The following ERCC8 variants were observed in gnomAD, a reference collection of about 807,000 sequenced individuals.
ERCC8 encodes DNA excision repair protein ERCC-8.
ERCC8 carries 52 observed loss-of-function variants against 54.9 expected under a neutral mutation model. The ratio of observed to expected loss-of-function variants is 0.95; its 90% CI spans 0.76 to 1.19. The LOEUF (loss-of-function observed/expected upper bound fraction) is 1.19. ERCC8 is among the 50% of genes most tolerant of loss of function. The pLI, the probability that ERCC8 is intolerant of heterozygous loss-of-function variation, is 0.00. For synonymous variants in ERCC8, 146 were observed against 157.2 expected, an observed-to-expected ratio of 0.93 and a Z score of 0.53; for missense variants, 514 against 466.1, an observed-to-expected ratio of 1.10 and a Z score of -0.95.
chr5:60,881,688 T>C (rs1748232427), intron 11 of ERCC8, among the ~76,000 whole-genome samples: 1 of 152,166 alleles, frequency 6.6e-6, no homozygotes, highest in Admixed American at 6.5e-5. Context: ...CCTGGTGTGC[T>C]GTTTGCTAAG....
intron 1 of ERCC8, among the ~76,000 whole-genome samples, chr5:60,944,278 C>T (rs962130826): frequency 2.6e-5 from 4 of 152,160 alleles, no homozygotes; most frequent in Admixed American, 2.6e-4. Context: ...TCCAACAACT[C>T]TCTCCCGGAC....
intron 4 of ERCC8, among the ~76,000 whole-genome samples, chr5:60,912,005 C>T (rs373405843): frequency 4.6e-5 from 7 of 151,916 alleles, no homozygotes; most frequent in Admixed American, 3.3e-4. Flanking sequence ...CCTGGTAGTA[C>T]AGTTTGAAGT....
intron 11 of ERCC8, among the ~76,000 whole-genome samples, chr5:60,884,475 C>T (rs76836572): frequency 4.2e-5 from 3 of 70,832 alleles, no homozygotes; most frequent in African/African-American, 5.4e-5. Flanking sequence ...GACTCCTTCT[C>T]AAAAAAAAAA....
In ERCC8 at chr5:60,874,478, C is replaced by T. The variant is rs1747937382; in HGVS notation, c.*137G>A. ...TTTAGGATTTTATGCAAATATTAACCTCATTTTAAAACATGAGGAAAAATA... is the reference window on the plus strand; with the variant it reads ...TTTAGGATTTTATGCAAATATTAACTTCATTTTAAAACATGAGGAAAAATA... On this transcript the variant is annotated 3_prime_UTR_variant, in exon 12 of 12. Coordinates refer to ENST00000676185, the MANE Select transcript of ERCC8 (RefSeq NM_000082.4). 1.4e-6 allele frequency: 1 copy of T among 736,322 alleles called. No individual in the cohort carries two copies. Among genetic ancestry groups the T allele is most frequent in the Non-Finnish European group, 2.3e-6 (1 of 436,528 alleles). 45.6% of individuals were successfully genotyped at this position (736,322 alleles called of 1,614,324 possible). A position where few individuals can be genotyped will look rare whatever the true frequency, so the allele number is the denominator to read the frequency against.
At chr5:60,896,358 A>G (rs1243230116) in intron 9 of ERCC8, among the ~76,000 whole-genome samples, 1 of 151,910 alleles carries the variant, frequency 6.6e-6, no homozygotes, top group Non-Finnish European at 1.5e-5. Context: ...CTGGGACTAC[A>G]GGTGCCCACC....
At chr5:60,883,208 C>T (rs1253122139) in intron 11 of ERCC8, among the ~76,000 whole-genome samples, 1 of 152,142 alleles carries the variant, frequency 6.6e-6, no homozygotes, top group African/African-American at 2.4e-5. Flanking sequence ...CAAATTATTT[C>T]ACTTTTCAGT....
intron 9 of ERCC8, among the ~76,000 whole-genome samples, chr5:60,894,152 T>C (rs1177220717): frequency 6.6e-6 from 1 of 151,842 alleles, no homozygotes; most frequent in African/African-American, 2.4e-5. Flanking sequence ...GCCCGGCTAA[T>C]TTTTTGTATT....
intron 2 of ERCC8, among the ~76,000 whole-genome samples, chr5:60,923,929 C>G (rs1427204073): frequency 2.0e-5 from 3 of 152,054 alleles, no homozygotes; most frequent in Non-Finnish European, 4.4e-5. Context: ...ATCGTAGTCA[C>G]TGTCTTTCTC....
Position 60,870,831 on chromosome 5 carries a change from A to T in ERCC8, c.*3784T>A, listed in dbSNP as rs1166757021. Reference sequence around the variant, plus strand: ...TGGACCTTCATTGAAAGAGCTCCCAAGAAGTCTAAGAAGTGACGGAAGAGA... The same window carrying T: ...TGGACCTTCATTGAAAGAGCTCCCATGAAGTCTAAGAAGTGACGGAAGAGA... On this transcript the variant is annotated 3_prime_UTR_variant, in exon 12 of 12. Transcript: ENST00000676185. Among the ~76,000 whole-genome samples, 1 of 152,160 alleles carries T rather than the reference A, an allele frequency of 6.6e-6. No homozygotes were observed. Among genetic ancestry groups the T allele is most frequent in the Non-Finnish European group, 1.5e-5 (1 of 68,026 alleles).
intron 5 of ERCC8, among the ~76,000 whole-genome samples, 162 bp downstream of exon 5, chr5:60,904,630 G>GTATA (rs1453923345): frequency 1.4e-3 from 63 of 44,498 alleles, no homozygotes; most frequent in East Asian, 4.5e-3. Context: ...TAGTGTGTGT[G>GTATA]TGTGTATATA....
intron 7 of ERCC8, among the ~76,000 whole-genome samples, chr5:60,900,181 G>T (rs1580003124): frequency 6.6e-6 from 1 of 151,862 alleles, no homozygotes; most frequent in African/African-American, 2.4e-5. Flanking sequence ...TATAAAAAAC[G>T]GTAAGTGTAA....
At position 60,871,438 on chromosome 5, in the gene ERCC8, A is replaced by G. The variant is rs1219141534; in HGVS notation, c.*3177T>C. On this transcript the variant is annotated 3_prime_UTR_variant, in exon 12 of 12. Transcript: ENST00000676185. ...AGATATATATAGGATTGCAATATGA[A>G]AGAACACAGTCTAGGTTAATAACTT... Among the ~76,000 whole-genome samples the G allele has an allele frequency of 6.6e-6, 1 of 152,218 alleles. No homozygotes were observed. The highest frequency in any genetic ancestry group is 1.5e-5 in the Non-Finnish European group (1 of 68,034).
chr5:60,902,439 T>C lies in ERCC8; in HGVS notation c.617+3A>G, dbSNP rs1197974689. The C allele has an allele frequency of 6.2e-7, 1 of 1,608,228 alleles. No homozygotes were observed. Among genetic ancestry groups the C allele is most frequent in the African/African-American group, 1.3e-5 (1 of 74,914 alleles). On this transcript the variant is annotated splice_donor_region_variant and intron_variant, in intron 7 of 11. Coordinates refer to ENST00000676185, the MANE Select transcript of ERCC8 (RefSeq NM_000082.4). ...CTTCAAAAGCAAATAAGTTAAATTT[T>C]ACCTTGCTGTTGCCAAGATATAGTC... is the stretch of plus-strand genomic sequence containing the variant.
Position 60,874,985 on chromosome 5 carries a change from G to C in ERCC8, c.1123-302C>G, listed in dbSNP as rs1250379814. 2.0e-5 allele frequency among the ~76,000 whole-genome samples: 3 copies of C among 152,128 alleles called. No homozygotes were observed. The East Asian group carries it at 5.8e-4, about 29-fold the overall frequency. On this transcript the variant is annotated intron_variant, in intron 11 of 11. Coordinates refer to ENST00000676185, the MANE Select transcript of ERCC8 (RefSeq NM_000082.4). ...ATACTATGATGCTGCCATTGCTCAA[G>C]GTATTTCTCAACAACTCTTTGGAAT...
intron 2 of ERCC8, among the ~76,000 whole-genome samples, chr5:60,926,761 T>G (rs534549456): frequency 6.6e-5 from 10 of 152,226 alleles, no homozygotes; most frequent in Non-Finnish European, 1.3e-4. Flanking sequence ...TGCTTCGTAA[T>G]TAATCTTCAT....
At chr5:60,918,925 A>T (rs2112517943) in intron 3 of ERCC8, among the ~76,000 whole-genome samples, 1 of 152,108 alleles carries the variant, frequency 6.6e-6, no homozygotes, top group Non-Finnish European at 1.5e-5. Context: ...ATAAAAACAT[A>T]ACATGTTGAA....
intron 4 of ERCC8, chr5:60,915,224 C>T (rs996300027): frequency 6.6e-6 from 1 of 152,072 alleles, no homozygotes; most frequent in East Asian, 1.9e-4. Flanking sequence ...CAGTCTTCTT[C>T]TATTGTCTGT....
intron 4 of ERCC8, among the ~76,000 whole-genome samples, chr5:60,906,036 A>G (rs944648516): frequency 3.3e-5 from 5 of 152,088 alleles, no homozygotes; most frequent in Admixed American, 3.3e-4. Flanking sequence ...ACATGAAAAA[A>G]TCCTGAAAAG....
chr5:60,913,009 G>A (rs979718825), intron 4 of ERCC8, among the ~76,000 whole-genome samples: 1 of 152,092 alleles, frequency 6.6e-6, no homozygotes, highest in African/African-American at 2.4e-5. Context: ...TTTTATTGAG[G>A]ATTTTCGGAT....
Sources: allele counts gnomAD v4.1 joint callset (sites outside exome capture counted in the v4.1 genomes callset), GRCh38; gene constraint gnomAD v4.1.1; transcripts MANE v1.5; gene names NCBI Gene and HGNC (gene_info 2026-07-23, HGNC 2026-07-21).